VTI1B: variants seen among roughly 807,000 people sequenced by gnomAD.
VTI1B encodes the protein vesicle transport through interaction with t-SNAREs homolog 1B.
In VTI1B, 18 loss-of-function variants were observed where a neutral mutation model predicts 28.6. The ratio of observed to expected loss-of-function variants is 0.63; its 90% CI spans 0.43 to 0.93. VTI1B has a LOEUF of 0.93. VTI1B is among the 40% of genes least tolerant of loss of function. VTI1B has a pLI of 0.00. For synonymous variants in VTI1B, 100 were observed against 107.9 expected (o/e 0.93, Z 0.46); for missense variants, 283 against 297.0 (o/e 0.95, Z 0.35).
intron 4 of VTI1B, among the ~76,000 whole-genome samples, chr14:67,654,038 A>T (rs948619416): frequency 6.6e-6 from 1 of 152,226 alleles, no homozygotes; most frequent in Non-Finnish European, 1.5e-5. Flanking sequence ...TTTCACCTCC[A>T]GCAGATGGCT....
chr14:67,648,003 G>GTTAAGTATTATT lies in VTI1B; in HGVS notation c.*3370_*3381dup, dbSNP rs760313587. The GTTAAGTATTATT allele has an allele frequency of 3.9e-6, 6 of 1,532,370 alleles. No individual in the cohort carries two copies. Among genetic ancestry groups the GTTAAGTATTATT allele is most frequent in the Non-Finnish European group, 5.3e-6 (6 of 1,128,938 alleles). The allele number at this position is 1,532,370 out of a possible 1,614,324, so 94.9% of individuals were successfully genotyped here. ...AAGGATGAGTGTCCAAGGACAACCA[G>GTTAAGTATTATT]TTAAGTATTATTTTAAGTATTATTT... On this transcript the variant is annotated 3_prime_UTR_variant, in exon 6 of 6. Transcript: ENST00000554659.
intron 1 of VTI1B, among the ~76,000 whole-genome samples, chr14:67,671,100 C>G (rs1010777021): frequency 3.3e-5 from 5 of 152,136 alleles, no homozygotes; most frequent in Non-Finnish European, 7.3e-5. Flanking sequence ...ATTTATTCAA[C>G]AAACATTTAT....
Position 67,656,532 on chromosome 14 carries a change from C to T in VTI1B, c.424G>A (p.Ala142Thr), listed in dbSNP as rs779567869. The change falls in exon 4 of 6, where the codon GCC (alanine) becomes ACC (threonine). Residue 142 changes from alanine to threonine, a missense_variant. By Grantham distance (58) the Ala-to-Thr change is moderately conservative (BLOSUM62 0). Coordinates refer to ENST00000554659, the MANE Select transcript of VTI1B (RefSeq NM_006370.3). ...LLQGTESLNR[A>T]TQSIERSHRI... ...TGAGAACGTTCAATACTTTGGGTGG[C>T]CCGGTTCAGGCTTTCAGTGCCCTGC... The T allele has an allele frequency of 2.2e-5, 36 of 1,613,788 alleles. No individual in the cohort carries two copies. Among genetic ancestry groups the T allele is most frequent in the Non-Finnish European group, 2.5e-5 (30 of 1,179,770 alleles).
chr14:67,671,504 C>T (rs972174798), intron 1 of VTI1B, among the ~76,000 whole-genome samples: 5 of 151,684 alleles, frequency 3.3e-5, no homozygotes, highest in Admixed American at 2.0e-4. Flanking sequence ...CCAGCCTGGG[C>T]GACAGAGCAA....
At chr14:67,656,688 G>A (rs1226477055) in intron 3 of VTI1B, 99 bp from the exon 4 acceptor site, 6 of 1,298,632 alleles carry the variant, frequency 4.6e-6, no homozygotes, top group Admixed American at 4.8e-5. Flanking sequence ...GGGATATAGT[G>A]AGCAATAATT....
chr14:67,654,112 CTTTTA>C (rs1049733237), intron 4 of VTI1B, among the ~76,000 whole-genome samples: 2 of 152,154 alleles, frequency 1.3e-5, no homozygotes, highest in Non-Finnish European at 2.9e-5. Context: ...CGTTCCTTGG[CTTTTA>C]TTTATTTGAA....
chr14:67,651,658 T>TCTAC, intron 5 of VTI1B, 177 bp from the exon 6 acceptor site: 1 of 518,396 alleles, frequency 1.9e-6, no homozygotes, highest in East Asian at 3.6e-5. Context: ...GATAACACTG[T>TCTAC]CTACCTCACA....
chr14:67,654,066 A>G (rs1045651329), intron 4 of VTI1B, among the ~76,000 whole-genome samples: 5 of 152,124 alleles, frequency 3.3e-5, no homozygotes, highest in Non-Finnish European at 5.9e-5. Flanking sequence ...ATCTGTTCCC[A>G]TTCCCCAGTG....
intron 1 of VTI1B, among the ~76,000 whole-genome samples, chr14:67,673,920 T>C (rs1177246398): frequency 6.6e-6 from 1 of 152,208 alleles, no homozygotes; most frequent in Non-Finnish European, 1.5e-5. Flanking sequence ...TACCCTCCAA[T>C]AACTGGTATT....
intron 2 of VTI1B, chr14:67,660,195 A>G (rs2037318577): frequency 7.2e-6 from 2 of 276,506 alleles, no homozygotes; most frequent in Non-Finnish European, 1.4e-5. Context: ...AAACACTTTT[A>G]TATACATTCT....
intron 1 of VTI1B, among the ~76,000 whole-genome samples, chr14:67,668,946 T>A (rs771088685): frequency 6.6e-6 from 1 of 152,036 alleles, no homozygotes; most frequent in East Asian, 1.9e-4. Flanking sequence ...AGAAAATAAG[T>A]ACTCTGGAAA....
At chr14:67,657,598 G>GTGCACA (rs1555383598) in intron 3 of VTI1B, among the ~76,000 whole-genome samples, 1 of 112,372 alleles carries the variant, frequency 8.9e-6, no homozygotes. Flanking sequence ...GCGCGCGCGT[G>GTGCACA]CACACACACA....
chr14:67,660,627 C>G (rs1303546059), intron 2 of VTI1B, among the ~76,000 whole-genome samples: 1 of 152,168 alleles, frequency 6.6e-6, no homozygotes, highest in African/African-American at 2.4e-5. Context: ...GTCTCCATGT[C>G]AGAGAGAACA....
intron 1 of VTI1B, among the ~76,000 whole-genome samples, chr14:67,662,860 G>A (rs12894760): frequency 0.22 from 31,821 of 144,530 alleles, 3,959 homozygotes; most frequent in East Asian, 0.47. Context: ...CCGAGATTGC[G>A]CCATTGCACT....
chr14:67,662,359 A>G, intron 2 of VTI1B, 118 bp downstream of exon 2: 2 of 955,462 alleles, frequency 2.1e-6, no homozygotes, highest in South Asian at 3.0e-5. Context: ...ATTTAGTAAG[A>G]AATAGTCAAA....
At chr14:67,672,378 C>T (rs1007222921) in intron 1 of VTI1B, among the ~76,000 whole-genome samples, 1 of 151,994 alleles carries the variant, frequency 6.6e-6, no homozygotes, top group Non-Finnish European at 1.5e-5. Context: ...CTCAGCTTCC[C>T]CAAGTGCTGG....
Position 67,650,361 on chromosome 14 carries a change from C to A in VTI1B, c.*1024G>T. ...GGCATCTGGAAGGTTCCTAGTCATA[C>A]TGGAGGTGGCATACATTTTGCCAAC... On this transcript the variant is annotated 3_prime_UTR_variant, in exon 6 of 6. Transcript: ENST00000554659. 1 of 295,474 alleles carries A rather than the reference C, an allele frequency of 3.4e-6. No homozygotes were observed. Among genetic ancestry groups the A allele is most frequent in the South Asian group, 4.0e-5 (1 of 24,884 alleles). 18.3% of individuals were successfully genotyped at this position (295,474 alleles called of 1,614,324 possible). A position where few individuals can be genotyped will look rare whatever the true frequency, so the allele number is the denominator to read the frequency against.
At position 67,648,132 on chromosome 14, in the gene VTI1B, G is replaced by C; in HGVS notation, c.*3253C>G. On this transcript the variant is annotated 3_prime_UTR_variant, in exon 6 of 6. Transcript: ENST00000554659. ...AGCCACAGGAACTCCTGTTGTCGGG[G>C]GACTAACCTATCGAGAAGGCATGTA... 2 of 1,613,930 alleles carry C rather than the reference G, an allele frequency of 1.2e-6. No homozygotes were observed. The highest frequency in any genetic ancestry group is 1.7e-6 in the Non-Finnish European group (2 of 1,179,900).
intron 1 of VTI1B, among the ~76,000 whole-genome samples, chr14:67,672,292 T>A (rs1329744391): frequency 6.6e-6 from 1 of 151,562 alleles, no homozygotes; most frequent in African/African-American, 2.4e-5. Context: ...CTAATTTTTT[T>A]ATTTTTTGTA....
Sources: gnomAD v4.1 joint callset for allele counts (sites outside exome capture counted in the v4.1 genomes callset) on GRCh38, gnomAD v4.1.1 for gene constraint, MANE v1.5 for transcripts, NCBI Gene and HGNC (gene_info 2026-07-23, HGNC 2026-07-21) for gene names.